The following STK32B variants were observed in gnomAD, a reference collection of about 807,000 sequenced individuals.
STK32B encodes serine/threonine kinase 32B.
Under a neutral mutation model 52.6 loss-of-function variants are expected in STK32B, and 43 were observed. The observed-to-expected ratio is 0.82, with a 90% CI of 0.64 to 1.05. The LOEUF (loss-of-function observed/expected upper bound fraction) is 1.05. STK32B is among the 50% of genes least tolerant of loss of function. The pLI, the probability that STK32B is intolerant of heterozygous loss-of-function variation, is 0.00. For missense variants in STK32B, 621 were observed against 534.6 expected, an observed-to-expected ratio of 1.16 and a Z score of -1.59; for synonymous variants, 238 against 204.3, an observed-to-expected ratio of 1.17 and a Z score of -1.41.
At chr4:5,029,550 C>A in the STK32B span, among the ~76,000 whole-genome samples, 1 of 152,260 alleles carries the variant, frequency 6.6e-6, no homozygotes, top group African/African-American at 2.4e-5. Context: ...GGGCTGTAAG[C>A]AATGGGGCTC....
In STK32B at chr4:5,416,843, A is replaced by G; in HGVS notation, c.473-2A>G. 1 of 1,613,296 alleles carries G rather than the reference A, an allele frequency of 6.2e-7. No individual in the cohort carries two copies. Among genetic ancestry groups the G allele is most frequent in the Non-Finnish European group, 8.5e-7 (1 of 1,179,680 alleles). ...CTGGAGTTTCTGTTTCTGTATTTGC[A>G]GGACATGTTCACATTACAGACTTCA... On this transcript the variant is annotated splice_acceptor_variant, in intron 5 of 11. Transcript: ENST00000282908. LOFTEE classifies it high-confidence loss of function.
At chr4:5,411,696 T>G (rs185636142) in intron 5 of STK32B, among the ~76,000 whole-genome samples, 5 of 152,292 alleles carry the variant, frequency 3.3e-5, no homozygotes, top group Admixed American at 3.3e-4. Flanking sequence ...TGTAACTTAT[T>G]TGATTAAGTT....
At chr4:5,093,210 A>C (rs1173804812) in intron 1 of STK32B, among the ~76,000 whole-genome samples, 1 of 152,238 alleles carries the variant, frequency 6.6e-6, no homozygotes, top group Non-Finnish European at 1.5e-5. Flanking sequence ...TTGATCACTT[A>C]CTACCATAAA....
At chr4:5,212,138 G>C (rs1480656723) in intron 3 of STK32B, among the ~76,000 whole-genome samples, 1 of 152,130 alleles carries the variant, frequency 6.6e-6, no homozygotes. Context: ...AGCATTTACT[G>C]TGTGTCAGGG....
chr4:5,493,981 G>A (rs1337778316), intron 11 of STK32B, among the ~76,000 whole-genome samples: 8 of 152,260 alleles, frequency 5.3e-5, no homozygotes, highest in Non-Finnish European at 7.3e-5. Context: ...CATTTGCTGA[G>A]GAGAGCTTTA....
intron 4 of STK32B, among the ~76,000 whole-genome samples, chr4:5,333,888 A>G (rs563882267): frequency 2.6e-4 from 40 of 152,266 alleles, no homozygotes; most frequent in Middle Eastern, 3.4e-3. Context: ...ACCTTGTAGT[A>G]TAGTTTGAAG....
intron 1 of STK32B, among the ~76,000 whole-genome samples, chr4:5,108,771 C>T (rs772206042): frequency 3.9e-5 from 6 of 152,154 alleles, no homozygotes; most frequent in Non-Finnish European, 8.8e-5. Context: ...TGAAATCTGC[C>T]GATGCTGTGA....
At chr4:5,055,038 C>T (rs1452899239) in intron 1 of STK32B, among the ~76,000 whole-genome samples, 1 of 152,016 alleles carries the variant, frequency 6.6e-6, no homozygotes, top group African/African-American at 2.4e-5. Flanking sequence ...TGAAAAAGGG[C>T]ACGTTAGCTG....
intron 6 of STK32B, among the ~76,000 whole-genome samples, chr4:5,421,302 G>C (rs1712628692): frequency 6.6e-6 from 1 of 151,812 alleles, no homozygotes; most frequent in African/African-American, 2.4e-5. Context: ...GTGTTAGCCA[G>C]GATGGTCTCA....
chr4:5,402,472 A>G (rs1336195356), intron 5 of STK32B, among the ~76,000 whole-genome samples: 2 of 152,240 alleles, frequency 1.3e-5, no homozygotes, highest in East Asian at 3.9e-4. Flanking sequence ...TGATGACCAT[A>G]AAGAATGTAG....
chr4:5,285,524 A>G (rs748302126), intron 3 of STK32B, among the ~76,000 whole-genome samples: 15 of 152,176 alleles, frequency 9.9e-5, no homozygotes, highest in South Asian at 2.1e-4. Context: ...TTATAGTACA[A>G]ATTGACTGCA....
rs76382951 is a variant in STK32B, at chr4:5,395,264, A to G, written c.435-2943A>G. Among the ~76,000 whole-genome samples the G allele has an allele frequency of 6.9e-6, 1 of 145,172 alleles. No homozygotes were observed. Among genetic ancestry groups the G allele is most frequent in the Non-Finnish European group, 1.5e-5 (1 of 67,916 alleles). On this transcript the variant is annotated intron_variant, in intron 4 of 11. Transcript: ENST00000282908. The surrounding 1 kb of genome is among the most constrained non-coding windows in gnomAD (Gnocchi z 4.4). Reference sequence around the variant, plus strand: ...GCCATCCCACCAAGTTTGCCCTGTAACATAACTGAATTAAGGGGGTGACAC... The same window carrying G: ...GCCATCCCACCAAGTTTGCCCTGTAGCATAACTGAATTAAGGGGGTGACAC...
intron 3 of STK32B, among the ~76,000 whole-genome samples, chr4:5,201,180 A>G (rs570189105): frequency 3.9e-5 from 6 of 152,284 alleles, no homozygotes; most frequent in South Asian, 2.1e-4. Flanking sequence ...AGAGAGATCA[A>G]TTATGTTCTT....
chr4:5,218,547 C>G (rs1474486111), intron 3 of STK32B, among the ~76,000 whole-genome samples: 1 of 152,132 alleles, frequency 6.6e-6, no homozygotes, highest in African/African-American at 2.4e-5. Flanking sequence ...GGACATGGCT[C>G]CGGGACCCTA....
At chr4:5,105,368 GA>G (rs1178290276) in intron 1 of STK32B, among the ~76,000 whole-genome samples, 7 of 152,116 alleles carry the variant, frequency 4.6e-5, no homozygotes, top group Non-Finnish European at 1.0e-4. Flanking sequence ...CTTTTTATAT[GA>G]TTATTTGCAT....
chr4:5,480,578 C>T (rs529209341), intron 11 of STK32B, among the ~76,000 whole-genome samples: 1 of 151,662 alleles, frequency 6.6e-6, no homozygotes, highest in Non-Finnish European at 1.5e-5. Flanking sequence ...GTGGAGACCA[C>T]GTTTTTTTTT....
intron 11 of STK32B, among the ~76,000 whole-genome samples, chr4:5,475,212 G>C (rs1718145773): frequency 6.6e-6 from 1 of 152,010 alleles, no homozygotes; most frequent in African/African-American, 2.4e-5. Context: ...ACGAGGTCAG[G>C]AGTTCAAGAC....
At chr4:5,489,893 A>G (rs1361919711) in intron 11 of STK32B, among the ~76,000 whole-genome samples, 1 of 152,180 alleles carries the variant, frequency 6.6e-6, no homozygotes, top group Non-Finnish European at 1.5e-5. Flanking sequence ...TTATTATGTA[A>G]ACAGAAGATA....
At chr4:5,174,250 T>A (rs1405205371) in intron 3 of STK32B, among the ~76,000 whole-genome samples, 1 of 143,092 alleles carries the variant, frequency 7.0e-6, no homozygotes, top group Non-Finnish European at 1.6e-5. Flanking sequence ...CTTGACTCTT[T>A]ATCCAGTTTG....
Sources: allele counts gnomAD v4.1 joint callset (sites outside exome capture counted in the v4.1 genomes callset), GRCh38; gene constraint gnomAD v4.1.1; non-coding constraint Gnocchi (gnomAD v3.1); transcripts MANE v1.5; gene names NCBI Gene and HGNC (gene_info 2026-07-23, HGNC 2026-07-21).